The following RRAS2 variants were observed in gnomAD, a reference collection of about 807,000 sequenced individuals.
The protein encoded by RRAS2 is RAS related 2, also known as ras-related protein R-Ras2.
In RRAS2, 7 loss-of-function variants were observed where a neutral mutation model predicts 27.6. The ratio of observed to expected loss-of-function variants is 0.25; its 90% confidence interval spans 0.14 to 0.48. RRAS2 has a LOEUF of 0.48. Ranked by LOEUF, RRAS2 falls within the 20% of genes least tolerant of loss-of-function variation. The pLI is 0.99. For missense variants in RRAS2, 178 were observed against 256.2 expected, an observed-to-expected ratio of 0.69 and a Z score of 2.08; for synonymous variants, 86 against 90.9, an observed-to-expected ratio of 0.95 and a Z score of 0.31.
Position 14,358,799 on chromosome 11 carries a change from G to A in RRAS2, c.72C>T (p.Gly24=), listed in dbSNP as rs1464466827. The A allele has an allele frequency of 8.8e-6, 13 of 1,484,868 alleles. No individual in the cohort carries two copies. In the Admixed American group the frequency reaches 1.9e-4, roughly 22 times the overall value. The allele number at this position is 1,484,868 out of a possible 1,614,324, so 92.0% of individuals were successfully genotyped here. A position where few individuals can be genotyped will look rare whatever the true frequency, so the allele number is the denominator to read the frequency against. The change falls in exon 1 of 6, where the codon GGC becomes GGT. Residue 24 remains glycine (G), a synonymous_variant. Transcript: ENST00000256196. The surrounding 1 kb of genome is among the most constrained non-coding windows in gnomAD (Gnocchi z 5.1). ...KYRLVVVGGG[G]VGKSALTIQF... ...GGATGGTGAGCGCCGACTTGCCCAC[G>A]CCGCCCCCGCCGACCACCACGAGCC...
intron 1 of RRAS2, among the ~76,000 whole-genome samples, chr11:14,306,996 G>A (rs1433914251): frequency 6.6e-6 from 1 of 151,748 alleles, no homozygotes; most frequent in Non-Finnish European, 1.5e-5. Flanking sequence ...TTCAAGACCA[G>A]CCTGGGAAAC....
chr11:14,294,924 C>T, intron 2 of RRAS2, 62 bp from the exon 3 acceptor site: 1 of 1,410,248 alleles, frequency 7.1e-7, no homozygotes, highest in South Asian at 1.2e-5. Flanking sequence ...CCCACAAGGG[C>T]AAGACCAATT....
At chr11:14,334,770 T>G (rs1351633284) in intron 1 of RRAS2, among the ~76,000 whole-genome samples, 1 of 152,196 alleles carries the variant, frequency 6.6e-6, no homozygotes. Context: ...TCCAACCTTC[T>G]CAAAGGTCCT....
At chr11:14,350,321 G>A (rs536051478) in intron 1 of RRAS2, among the ~76,000 whole-genome samples, 77 of 152,230 alleles carry the variant, frequency 5.1e-4, no homozygotes, top group South Asian at 4.8e-3. Context: ...ATAGATTAAT[G>A]CCCTCCCTGG....
rs573207828 is a variant in RRAS2, at chr11:14,350,114, C to T, written c.108+8649G>A. ...TTTTGCCCCAATGAACAAATACATACGTATTTTCTTATTTCTCCTTCTTTC... is the reference window on the plus strand; with the variant it reads ...TTTTGCCCCAATGAACAAATACATATGTATTTTCTTATTTCTCCTTCTTTC... On this transcript the variant is annotated intron_variant, in intron 1 of 5. Coordinates refer to ENST00000256196, the MANE Select transcript of RRAS2 (RefSeq NM_012250.6). 6.6e-5 allele frequency among the ~76,000 whole-genome samples: 10 copies of T among 152,248 alleles called. No homozygotes were observed. In the South Asian group the frequency reaches 8.3e-4, roughly 13 times the overall value.
upstream of RRAS2, among the ~76,000 whole-genome samples, chr11:14,363,577 T>C (rs1554956384): frequency 6.6e-6 from 1 of 151,942 alleles, no homozygotes; most frequent in Non-Finnish European, 1.5e-5. Context: ...AAGACCAGCC[T>C]GGCCAACATG....
intron 1 of RRAS2, among the ~76,000 whole-genome samples, chr11:14,316,475 C>T (rs1554949551): frequency 6.6e-6 from 1 of 152,226 alleles, no homozygotes; most frequent in Non-Finnish European, 1.5e-5. Flanking sequence ...TACAGCAATC[C>T]ATGCCTATAA....
intron 1 of RRAS2, among the ~76,000 whole-genome samples, chr11:14,303,851 ACACC>A (rs1847770267): frequency 6.6e-6 from 1 of 152,244 alleles, no homozygotes; most frequent in African/African-American, 2.4e-5. Flanking sequence ...TCAAAAGGCC[ACACC>A]AATTAAGTGT....
rs1849122739 is a variant in RRAS2 at position 14,358,197 on chromosome 11, A to G, written c.108+566T>C. The G allele has an allele frequency of 2.0e-6, 2 of 983,552 alleles. No individual in the cohort carries two copies. The highest frequency in any genetic ancestry group is 2.4e-6 in the Non-Finnish European group (2 of 828,294). 60.9% of individuals were successfully genotyped at this position (983,552 alleles called of 1,614,324 possible). On this transcript the variant is annotated intron_variant, in intron 1 of 5. Coordinates refer to ENST00000256196, the MANE Select transcript of RRAS2 (RefSeq NM_012250.6). This position sits in a 1 kb window ranked among gnomAD's most constrained non-coding sequence, Gnocchi z 5.1. ...TTATCACACACTCCCACCCGGACAT[A>G]TTACCTAAGAGAGTACTTATAAAAA...
At chr11:14,303,550 G>A (rs1023625019) in intron 1 of RRAS2, among the ~76,000 whole-genome samples, 3 of 152,148 alleles carry the variant, frequency 2.0e-5, no homozygotes, top group Non-Finnish European at 2.9e-5. Context: ...CGGCCTCAGC[G>A]ACAGAGAGAG....
chr11:14,345,677 C>T (rs1039091797), intron 1 of RRAS2, among the ~76,000 whole-genome samples: 1 of 152,190 alleles, frequency 6.6e-6, no homozygotes, highest in African/African-American at 2.4e-5. Context: ...AAAACTATCC[C>T]TTTTAAACAT....
At chr11:14,286,103 CTAACA>C (rs1412622122) in intron 4 of RRAS2, among the ~76,000 whole-genome samples, 1 of 152,178 alleles carries the variant, frequency 6.6e-6, no homozygotes, top group African/African-American at 2.4e-5. Flanking sequence ...TTTCATGTCT[CTAACA>C]TGTTTTCTTG....
chr11:14,316,133 C>T (rs969555818), intron 1 of RRAS2, among the ~76,000 whole-genome samples: 1 of 152,142 alleles, frequency 6.6e-6, no homozygotes, highest in Non-Finnish European at 1.5e-5. Context: ...TAAAATTTTA[C>T]GTCTCTGAAC....
chr11:14,337,301 C>T (rs1591481432), intron 1 of RRAS2: 2 of 152,198 alleles, frequency 1.3e-5, no homozygotes, highest in South Asian at 2.1e-4. Context: ...GCTACTCAAC[C>T]GTTAGTCATC....
intron 4 of RRAS2, among the ~76,000 whole-genome samples, chr11:14,287,089 C>T (rs781908983): frequency 6.6e-5 from 10 of 152,208 alleles, no homozygotes; most frequent in Non-Finnish European, 1.0e-4. Flanking sequence ...TGAAACTTCC[C>T]CCTAAGTGTT....
chr11:14,329,009 GTGTA>G (rs782341497), intron 1 of RRAS2, among the ~76,000 whole-genome samples: 22 of 58,156 alleles, frequency 3.8e-4, no homozygotes, highest in Middle Eastern at 8.6e-3. Flanking sequence ...GTGTGTGTGT[GTGTA>G]TATATATATA....
intron 1 of RRAS2, among the ~76,000 whole-genome samples, chr11:14,323,853 C>T (rs1554950641): frequency 6.6e-6 from 1 of 151,592 alleles, no homozygotes; most frequent in Non-Finnish European, 1.5e-5. Context: ...ACCAATATGT[C>T]CCAGAAATTC....
chr11:14,341,156 T>G (rs191031086), intron 1 of RRAS2, among the ~76,000 whole-genome samples: 1 of 152,170 alleles, frequency 6.6e-6, no homozygotes, highest in African/African-American at 2.4e-5. Context: ...GATGAAAATC[T>G]TCTCGGTCCA....
intron 1 of RRAS2, among the ~76,000 whole-genome samples, chr11:14,323,223 G>A (rs987447525): frequency 6.6e-6 from 1 of 152,120 alleles, no homozygotes; most frequent in Non-Finnish European, 1.5e-5. Context: ...GAGATGAGAG[G>A]ATCACTTAAG....
Sources: gnomAD v4.1 joint callset for allele counts (sites outside exome capture counted in the v4.1 genomes callset) on GRCh38, gnomAD v4.1.1 for gene constraint, Gnocchi (gnomAD v3.1) non-coding constraint, MANE v1.5 for transcripts, NCBI Gene and HGNC (gene_info 2026-07-23, HGNC 2026-07-21) for gene names.